The following CTNNBIP1 variants were observed in gnomAD, a reference collection of about 807,000 sequenced individuals.
The protein encoded by CTNNBIP1 is catenin beta interacting protein 1, also known as beta-catenin-interacting protein 1.
A neutral mutation model predicts 11.8 loss-of-function variants in CTNNBIP1; 7 were observed. The observed-to-expected ratio is 0.60, with a 90% CI of 0.34 to 1.12. The LOEUF (loss-of-function observed/expected upper bound fraction) is 1.12. Among genes scored for constraint, CTNNBIP1 ranks in the 50% most tolerant of loss-of-function variants. The pLI, the probability that CTNNBIP1 is intolerant of heterozygous loss-of-function variation, is 0.03. For synonymous variants in CTNNBIP1, 58 were observed against 43.9 expected (o/e 1.32, Z -1.26); for missense variants, 101 against 113.4 (o/e 0.89, Z 0.50).
chr1:9,875,002 TCTCTCCTGGTG>T (rs1638935373), intron 3 of CTNNBIP1, among the ~76,000 whole-genome samples: 1 of 152,158 alleles, frequency 6.6e-6, no homozygotes, highest in African/African-American at 2.4e-5. Context: ...TTTCATTTGC[TCTCTCCTGGTG>T]AGAGACAGGG....
chr1:9,879,933 C>T (rs1231093481), intron 2 of CTNNBIP1, among the ~76,000 whole-genome samples: 1 of 152,182 alleles, frequency 6.6e-6, no homozygotes, highest in East Asian at 1.9e-4. Flanking sequence ...TTTTGCTAAC[C>T]AAACAGCAGC....
At chr1:9,857,108 T>G (rs1317481564) in intron 5 of CTNNBIP1, among the ~76,000 whole-genome samples, 1 of 148,740 alleles carries the variant, frequency 6.7e-6, no homozygotes, top group Non-Finnish European at 1.5e-5. Context: ...GGTGACAGAG[T>G]GAGATGCCAT....
intron 1 of CTNNBIP1, among the ~76,000 whole-genome samples, chr1:9,904,755 G>C (rs984341223): frequency 6.6e-6 from 1 of 152,190 alleles, no homozygotes; most frequent in Non-Finnish European, 1.5e-5. Context: ...AAGAGTCACT[G>C]CCAAGATAAG....
chr1:9,863,377 T>C (rs867562547), intron 5 of CTNNBIP1, among the ~76,000 whole-genome samples: 1 of 152,202 alleles, frequency 6.6e-6, no homozygotes, highest in Admixed American at 6.5e-5. Context: ...GAATTCTCCC[T>C]GGGCCTGACT....
At chr1:9,909,751 T>C (rs945246028) in intron 1 of CTNNBIP1, among the ~76,000 whole-genome samples, 11 of 150,062 alleles carry the variant, frequency 7.3e-5, no homozygotes, top group Non-Finnish European at 1.2e-4. Context: ...AGTCTCAGAG[T>C]GGGCGCAGGT....
intron 2 of CTNNBIP1, among the ~76,000 whole-genome samples, chr1:9,880,310 A>G (rs1449513249): frequency 6.6e-6 from 1 of 152,150 alleles, no homozygotes; most frequent in Admixed American, 6.5e-5. Context: ...ACACGATCTC[A>G]TTCTTTTTTA....
chr1:9,880,275 A>C (rs1047026810), intron 2 of CTNNBIP1, among the ~76,000 whole-genome samples: 1 of 152,156 alleles, frequency 6.6e-6, no homozygotes, highest in Admixed American at 6.6e-5. Context: ...GATGGCTTCC[A>C]GCTTCATCCA....
intron 1 of CTNNBIP1, among the ~76,000 whole-genome samples, chr1:9,899,966 C>T (rs921275772): frequency 1.7e-4 from 25 of 149,854 alleles, no homozygotes; most frequent in African/African-American, 3.5e-4. Flanking sequence ...CCCAGGTACT[C>T]GGGAGGCTGA....
At position 9,872,820 on chromosome 1, in the gene CTNNBIP1, C is replaced by T. The variant is rs1281734752; in HGVS notation, c.-24-732G>A. Among the ~76,000 whole-genome samples the T allele has an allele frequency of 6.6e-6, 1 of 152,184 alleles. No individual in the cohort carries two copies. The highest frequency in any genetic ancestry group is 2.1e-4 in the South Asian group (1 of 4,830). ...TGTAGAAAGTCCCCAGGAGAGAAGT[C>T]CAGAGCCCCCTCCCTCCAGGAGGAG... On this transcript the variant is annotated intron_variant, in intron 3 of 5. Transcript: ENST00000377263. This position sits in a 1 kb window ranked among gnomAD's most constrained non-coding sequence, Gnocchi z 4.0.
chr1:9,862,994 G>T (rs1309425713), intron 5 of CTNNBIP1, among the ~76,000 whole-genome samples: 2 of 152,202 alleles, frequency 1.3e-5, no homozygotes, highest in Non-Finnish European at 2.9e-5. Flanking sequence ...ACTTCTCTGA[G>T]GCCATTCGGG....
chr1:9,890,163 G>A lies in CTNNBIP1; in HGVS notation c.-143-6425C>T, dbSNP rs145011043. 7.2e-3 allele frequency among the ~76,000 whole-genome samples: 1,101 copies of A among 152,270 alleles called. 18 individuals carry two copies. The highest frequency in any genetic ancestry group is 5.5e-3 in the Non-Finnish European group (372 of 68,028). On this transcript the variant is annotated intron_variant, in intron 1 of 5. Coordinates refer to ENST00000377263, the MANE Select transcript of CTNNBIP1 (RefSeq NM_020248.3). Reference sequence around the variant, plus strand: ...TTGTCTCTCCAGTCCTGAATTGAGTGAAACCCACCTTTTTACAGAGGCAAG... The same window carrying A: ...TTGTCTCTCCAGTCCTGAATTGAGTAAAACCCACCTTTTTACAGAGGCAAG...
At chr1:9,866,930 C>T (rs754754085) in intron 5 of CTNNBIP1, among the ~76,000 whole-genome samples, 4 of 152,028 alleles carry the variant, frequency 2.6e-5, no homozygotes, top group Admixed American at 6.6e-5. Context: ...CATTAGGTTC[C>T]TGAGGAAGAG....
At chr1:9,891,254 C>T (rs1639294719) in intron 1 of CTNNBIP1, among the ~76,000 whole-genome samples, 1 of 152,170 alleles carries the variant, frequency 6.6e-6, no homozygotes. Flanking sequence ...CAAGGACAAG[C>T]CTCATCCTCA....
chr1:9,893,862 T>C (rs1418173100), intron 1 of CTNNBIP1, among the ~76,000 whole-genome samples: 1 of 152,024 alleles, frequency 6.6e-6, no homozygotes, highest in Non-Finnish European at 1.5e-5. Flanking sequence ...AAGACACTAA[T>C]CATAAAAACT....
At chr1:9,901,711 A>G (rs1639526462) in intron 1 of CTNNBIP1, among the ~76,000 whole-genome samples, 1 of 152,118 alleles carries the variant, frequency 6.6e-6, no homozygotes, top group Non-Finnish European at 1.5e-5. Context: ...GCGGGCTCCA[A>G]TCACACTTGA....
Position 9,851,684 on chromosome 1 carries a change from C to T in CTNNBIP1, c.188-908G>A, listed in dbSNP as rs923595185. ...CCGTGCCCAGCCAATCCTTCTTTTT[C>T]TTAATCCTGAATTTGAGATTCTGGC... On this transcript the variant is annotated intron_variant, in intron 5 of 5. Transcript: ENST00000377263. This position sits in a 1 kb window ranked among gnomAD's most constrained non-coding sequence, Gnocchi z 4.8. 1.3e-5 allele frequency among the ~76,000 whole-genome samples: 2 copies of T among 152,186 alleles called. No homozygotes were observed. The highest frequency in any genetic ancestry group is 4.8e-5 in the African/African-American group (2 of 41,446).
At chr1:9,881,118 C>G (rs1639071342) in intron 2 of CTNNBIP1, among the ~76,000 whole-genome samples, 1 of 152,106 alleles carries the variant, frequency 6.6e-6, no homozygotes, top group Admixed American at 6.6e-5. Flanking sequence ...TCACTGCAGC[C>G]TTGAACTCCC....
At chr1:9,901,411 A>G (rs1639519853) in intron 1 of CTNNBIP1, among the ~76,000 whole-genome samples, 1 of 152,088 alleles carries the variant, frequency 6.6e-6, no homozygotes, top group South Asian at 2.1e-4. Context: ...ATATTATGTG[A>G]GGTGTTTGAT....
chr1:9,871,361 C>T lies in CTNNBIP1; in HGVS notation c.97-84G>A. ...TGCACCCCTAGAGGCACCGCCTAGGCCTGCTTGGTCCCTGCTTGGTCCCTG... is the reference window on the plus strand; with the variant it reads ...TGCACCCCTAGAGGCACCGCCTAGGTCTGCTTGGTCCCTGCTTGGTCCCTG... On this transcript the variant is annotated intron_variant, in intron 4 of 5. Coordinates refer to ENST00000377263, the MANE Select transcript of CTNNBIP1 (RefSeq NM_020248.3). This position sits in a 1 kb window ranked among gnomAD's most constrained non-coding sequence, Gnocchi z 5.2. 1.0e-6 allele frequency: 1 copy of T among 1,001,308 alleles called. No individual in the cohort carries two copies. The highest frequency in any genetic ancestry group is 1.4e-5 in the South Asian group (1 of 72,754). The allele number at this position is 1,001,308 out of a possible 1,614,324, so 62.0% of individuals were successfully genotyped here. A position where few individuals can be genotyped will look rare whatever the true frequency, so the allele number is the denominator to read the frequency against.
Sources: gnomAD v4.1 joint callset for allele counts (sites outside exome capture counted in the v4.1 genomes callset) on GRCh38, gnomAD v4.1.1 for gene constraint, Gnocchi (gnomAD v3.1) non-coding constraint, MANE v1.5 for transcripts, NCBI Gene and HGNC (gene_info 2026-07-23, HGNC 2026-07-21) for gene names.